Variants in FASTKD1 observed in about 807,000 individuals in gnomAD.
FASTKD1 encodes the protein FAST kinase domain-containing protein 1, mitochondrial.
A neutral mutation model predicts 90.9 loss-of-function variants in FASTKD1; 94 were observed. The ratio of observed to expected loss-of-function variants is 1.03; its 90% CI spans 0.88 to 1.23. The LOEUF is 1.23. Ranked by LOEUF, FASTKD1 falls within the 50% of genes most tolerant of loss-of-function variation. The probability of loss-of-function intolerance (pLI) is 0.00; values close to 1 mark genes in which losing one functional copy is unlikely to be tolerated. For synonymous variants in FASTKD1, 319 were observed against 345.8 expected (o/e 0.92, Z 0.86); for missense variants, 945 against 993.5 (o/e 0.95, Z 0.66).
intron 7 of FASTKD1, among the ~76,000 whole-genome samples, chr2:169,551,983 T>C (rs983245621): frequency 4.6e-5 from 7 of 152,310 alleles, no homozygotes; most frequent in Admixed American, 1.3e-4. Context: ...TTCCAGTACA[T>C]GAAAACTCTG....
intron 3 of FASTKD1, among the ~76,000 whole-genome samples, chr2:169,568,059 T>C (rs1425080009): frequency 6.6e-6 from 1 of 152,192 alleles, no homozygotes; most frequent in African/African-American, 2.4e-5. Flanking sequence ...TAAGGCAACA[T>C]GCTGAAAATA....
intron 3 of FASTKD1, among the ~76,000 whole-genome samples, chr2:169,567,715 G>A (rs1430147638): frequency 6.6e-6 from 1 of 152,118 alleles, no homozygotes; most frequent in Non-Finnish European, 1.5e-5. Flanking sequence ...ATAGCCTGTT[G>A]TTTCTCCTTC....
chr2:169,565,797 A>G (rs1229165107), intron 3 of FASTKD1, among the ~76,000 whole-genome samples: 1 of 152,160 alleles, frequency 6.6e-6, no homozygotes, highest in Non-Finnish European at 1.5e-5. Flanking sequence ...ACTAATTTAC[A>G]TTCCCAAAAA....
chr2:169,567,735 A>C lies in FASTKD1; in HGVS notation c.446+1449T>G, dbSNP rs566985161. Among the ~76,000 whole-genome samples, 25 of 152,324 alleles carry C rather than the reference A, an allele frequency of 1.6e-4. 1 individual carries two copies. In the South Asian group the frequency reaches 5.2e-3, roughly 32 times the overall value. On this transcript the variant is annotated intron_variant, in intron 3 of 14. Coordinates refer to ENST00000453153, the MANE Select transcript of FASTKD1 (RefSeq NM_024622.6). ...CTGTTGTTTCTCCTTCATCTTAGTC[A>C]AGACTTTCCTGTCTGGTTTCCATTT...
At position 169,531,467 on chromosome 2, in the gene FASTKD1, T is replaced by C; in HGVS notation, c.2212A>G (p.Arg738Gly). 6.2e-7 allele frequency: 1 copy of C among 1,609,580 alleles called. No individual in the cohort carries two copies. The highest frequency in any genetic ancestry group is 8.5e-7 in the Non-Finnish European group (1 of 1,178,904). ...KVDFECILDK[R>G]KKPLPYGSHN... ...CTTCCATACGGAAGAGGTTTTTTTC[T>C]TTTATCCAAGATACACTCAAAATCT... Residue 738 changes from arginine to glycine, a missense_variant, in exon 13 of 15, where the codon AGA (arginine) becomes GGA (glycine). Transcript: ENST00000453153.
rs145924356 is a variant in FASTKD1, at chr2:169,546,090, C to G, written c.1701+128G>C. Reference sequence around the variant, plus strand: ...GAATTACAGGCTTGAGCTACCACATCTGACCCAGAATTTATTTAATTTTTA... The same window carrying G: ...GAATTACAGGCTTGAGCTACCACATGTGACCCAGAATTTATTTAATTTTTA... On this transcript the variant is annotated intron_variant, in intron 8 of 14. Coordinates refer to ENST00000453153, the MANE Select transcript of FASTKD1 (RefSeq NM_024622.6). 6.3e-4 allele frequency: 659 copies of G among 1,038,490 alleles called. 5 individuals carry two copies. The African/African-American group carries it at 9.5e-3, about 15-fold the overall frequency. 64.3% of individuals were successfully genotyped at this position (1,038,490 alleles called of 1,614,324 possible). A position where few individuals can be genotyped will look rare whatever the true frequency, so the allele number is the denominator to read the frequency against.
intron 13 of FASTKD1, chr2:169,531,048 G>A (rs1233138238): frequency 3.0e-6 from 2 of 673,802 alleles, no homozygotes; most frequent in Admixed American, 3.5e-5. Context: ...GTAATGCAGT[G>A]TAGGAAGTGG....
At chr2:169,569,049 C>T in intron 3 of FASTKD1, 135 bp downstream of exon 3, 1 of 679,200 alleles carries the variant, frequency 1.5e-6, no homozygotes. Context: ...AACTTTAAAA[C>T]TAAACTGAGT....
chr2:169,548,169 T>A (rs1328319317), intron 7 of FASTKD1, among the ~76,000 whole-genome samples: 2 of 151,956 alleles, frequency 1.3e-5, no homozygotes, highest in Non-Finnish European at 2.9e-5. Context: ...AAGGTCCATG[T>A]CAGAACAATG....
intron 12 of FASTKD1, among the ~76,000 whole-genome samples, chr2:169,536,798 A>G (rs1684740634): frequency 6.6e-6 from 1 of 152,228 alleles, no homozygotes; most frequent in South Asian, 2.1e-4. Context: ...CAAGCACAGT[A>G]TCTTTGGAAA....
In FASTKD1 at chr2:169,560,377, C is replaced by T. The variant is rs546483748; in HGVS notation, c.971+10G>A. Reference sequence around the variant, plus strand: ...AACAAAAAAAGTAATGCATTTTAAACTGAACTTACTGTTTCTTTTCTTCAG... The same window carrying T: ...AACAAAAAAAGTAATGCATTTTAAATTGAACTTACTGTTTCTTTTCTTCAG... On this transcript the variant is annotated intron_variant, in intron 5 of 14. Transcript: ENST00000453153. 14 of 1,522,600 alleles carry T rather than the reference C, an allele frequency of 9.2e-6. No individual in the cohort carries two copies. The highest frequency in any genetic ancestry group is 1.2e-5 in the Non-Finnish European group (14 of 1,143,920). The allele number at this position is 1,522,600 out of a possible 1,614,324, so 94.3% of individuals were successfully genotyped here. A position where few individuals can be genotyped will look rare whatever the true frequency, so the allele number is the denominator to read the frequency against.
intron 7 of FASTKD1, among the ~76,000 whole-genome samples, chr2:169,552,700 G>C (rs1333420644): frequency 2.0e-5 from 3 of 152,032 alleles, no homozygotes; most frequent in African/African-American, 7.2e-5. Context: ...CTATGAGTAC[G>C]CAAAGGCATA....
chr2:169,533,402 G>A (rs946239808), intron 12 of FASTKD1, among the ~76,000 whole-genome samples: 2 of 152,142 alleles, frequency 1.3e-5, no homozygotes, highest in African/African-American at 4.8e-5. Context: ...TTCATTAAGA[G>A]AATGAATTCT....
intron 7 of FASTKD1, among the ~76,000 whole-genome samples, chr2:169,552,800 T>C (rs183044712): frequency 5.9e-5 from 9 of 152,282 alleles, no homozygotes; most frequent in Admixed American, 5.2e-4. Context: ...AGGTACTAAG[T>C]ACATTACTCA....
intron 7 of FASTKD1, among the ~76,000 whole-genome samples, chr2:169,552,858 T>A (rs1314253642): frequency 2.6e-5 from 4 of 152,118 alleles, no homozygotes; most frequent in East Asian, 1.9e-4. Flanking sequence ...ATACAATTCA[T>A]CCATGTAACA....
intron 13 of FASTKD1, chr2:169,530,975 T>C (rs1282001235): frequency 1.5e-6 from 1 of 672,404 alleles, no homozygotes; most frequent in South Asian, 1.4e-5. Context: ...CTGTGAGGGG[T>C]ACAAATATGA....
intron 9 of FASTKD1, among the ~76,000 whole-genome samples, chr2:169,541,698 C>A (rs921246679): frequency 3.3e-5 from 5 of 152,132 alleles, no homozygotes; most frequent in Non-Finnish European, 7.4e-5. Context: ...CTATATAAAT[C>A]CCTAATGTAG....
In FASTKD1 at chr2:169,557,304, G is replaced by T. The variant is rs1264245050; in HGVS notation, c.972-7C>A. On this transcript the variant is annotated splice_region_variant and splice_polypyrimidine_tract_variant and intron_variant, in intron 5 of 14. Transcript: ENST00000453153. ...TAACATAGTTGATTTAAGTCTAGAA[G>T]CAAAAAAAAAAAAGTTTTTGGTTGA... is the stretch of plus-strand genomic sequence containing the variant. 2 of 1,462,982 alleles carry T rather than the reference G, an allele frequency of 1.4e-6. No homozygotes were observed. The highest frequency in any genetic ancestry group is 2.5e-5 in the East Asian group (1 of 40,158). 90.6% of individuals were successfully genotyped at this position (1,462,982 alleles called of 1,614,324 possible).
At chr2:169,543,297 C>A (rs1685038269) in intron 9 of FASTKD1, among the ~76,000 whole-genome samples, 1 of 152,062 alleles carries the variant, frequency 6.6e-6, no homozygotes, top group Non-Finnish European at 1.5e-5. Flanking sequence ...AACCCCGTCT[C>A]TACTAAAAAT....
Sources: allele counts gnomAD v4.1 joint callset (sites outside exome capture counted in the v4.1 genomes callset), GRCh38; gene constraint gnomAD v4.1.1; transcripts MANE v1.5; gene names NCBI Gene and HGNC (gene_info 2026-07-23, HGNC 2026-07-21).